The following CAMK1G variants were observed in gnomAD, a reference collection of about 807,000 sequenced individuals.
The protein encoded by CAMK1G is calcium/calmodulin dependent protein kinase IG, also known as calcium/calmodulin-dependent protein kinase type 1G.
In CAMK1G, 27 loss-of-function variants were observed where a neutral mutation model predicts 54.8. The observed-to-expected ratio is 0.49, with a 90% CI of 0.36 to 0.68. The LOEUF (loss-of-function observed/expected upper bound fraction) is 0.68. Ranked by LOEUF, CAMK1G falls within the 30% of genes least tolerant of loss-of-function variation. CAMK1G has a pLI of 0.00. For missense variants in CAMK1G, 512 were observed against 591.0 expected, an observed-to-expected ratio of 0.87 and a Z score of 1.39; for synonymous variants, 238 against 224.9, an observed-to-expected ratio of 1.06 and a Z score of -0.52.
At chr1:209,608,233 A>G (rs900928453) in intron 7 of CAMK1G, among the ~76,000 whole-genome samples, 1 of 152,182 alleles carries the variant, frequency 6.6e-6, no homozygotes, top group Non-Finnish European at 1.5e-5. Flanking sequence ...CTGCCTATAA[A>G]TGTGTTGCAT....
At chr1:209,595,925 C>T (rs372526642) in intron 2 of CAMK1G, among the ~76,000 whole-genome samples, 10 of 152,236 alleles carry the variant, frequency 6.6e-5, no homozygotes, top group African/African-American at 1.4e-4. Context: ...CAGACTCTGA[C>T]GCAGGCTGGC....
intron 2 of CAMK1G, among the ~76,000 whole-genome samples, chr1:209,595,554 T>TCA (rs10659358): frequency 0.66 from 99,781 of 151,782 alleles, 33,064 homozygotes; most frequent in African/African-American, 0.72. Context: ...CTTGCCTCTG[T>TCA]CAGGAGAGGG....
intron 9 of CAMK1G, 63 bp downstream of exon 9, chr1:209,609,992 C>A: frequency 7.8e-7 from 1 of 1,279,202 alleles, no homozygotes; most frequent in Non-Finnish European, 1.1e-6. Flanking sequence ...CATGCTGACT[C>A]ATTCATATTG....
intron 1 of CAMK1G, among the ~76,000 whole-genome samples, chr1:209,587,013 G>T (rs899814572): frequency 2.0e-5 from 3 of 151,968 alleles, no homozygotes; most frequent in Non-Finnish European, 2.9e-5. Flanking sequence ...CTTCTCTCTG[G>T]GTCATTTTGT....
chr1:209,594,435 G>A lies in CAMK1G; in HGVS notation c.-29-520G>A, dbSNP rs562640879. 1.6e-3 allele frequency among the ~76,000 whole-genome samples: 241 copies of A among 152,320 alleles called. 1 individual carries two copies. Among genetic ancestry groups the A allele is most frequent in the South Asian group, 7.9e-3 (38 of 4,834 alleles). On this transcript the variant is annotated intron_variant, in intron 1 of 12. Coordinates refer to ENST00000361322, the MANE Select transcript of CAMK1G (RefSeq NM_020439.3). ...GAAATGATTCAATTTAGATTTTCGT[G>A]AATAACTATTTGCCCAGCACTGTGC...
chr1:209,589,642 G>A (rs1206235991), intron 1 of CAMK1G, among the ~76,000 whole-genome samples: 1 of 152,160 alleles, frequency 6.6e-6, no homozygotes, highest in African/African-American at 2.4e-5. Context: ...TGAGTGCCAG[G>A]AACAGTAGTA....
rs17014825 is a variant in CAMK1G at position 209,584,418 on chromosome 1, T to A, written c.-30+646T>A. 0.019 allele frequency among the ~76,000 whole-genome samples: 2,889 copies of A among 152,280 alleles called. 145 individuals carry two copies. The East Asian group carries it at 0.22, about 12-fold the overall frequency. The stretch of plus-strand genomic sequence containing the variant: ...GTTAAGATGCAGAACGCAGCCGAGC[T>A]ATCGCTGTCAGTCACAAGACAGCTT... On this transcript the variant is annotated intron_variant, in intron 1 of 12. Coordinates refer to ENST00000361322, the MANE Select transcript of CAMK1G (RefSeq NM_020439.3).
At position 209,588,888 on chromosome 1, in the gene CAMK1G, G is replaced by A. The variant is rs141147330; in HGVS notation, c.-30+5116G>A. ...GCCTGCCACTGGGAGCATGGAAAGG[G>A]CTGCACTCAGAGGCAGCGTCCACCC... On this transcript the variant is annotated intron_variant, in intron 1 of 12. Coordinates refer to ENST00000361322, the MANE Select transcript of CAMK1G (RefSeq NM_020439.3). 3.3e-3 allele frequency among the ~76,000 whole-genome samples: 510 copies of A among 152,308 alleles called. 4 individuals carry two copies. Among genetic ancestry groups the A allele is most frequent in the African/African-American group, 0.011 (470 of 41,564 alleles).
chr1:209,600,133 C>T (rs1407616376), intron 3 of CAMK1G, 22 bp downstream of exon 3: 3 of 1,610,610 alleles, frequency 1.9e-6, no homozygotes, highest in Non-Finnish European at 1.7e-6. Context: ...TTAGTGTTGA[C>T]TGGATCACTA....
At chr1:209,597,615 G>T (rs994783884) in intron 2 of CAMK1G, among the ~76,000 whole-genome samples, 1 of 152,214 alleles carries the variant, frequency 6.6e-6, no homozygotes, top group Non-Finnish European at 1.5e-5. Flanking sequence ...TGGTTGAAGG[G>T]ATGAGTAAGT....
In CAMK1G at chr1:209,607,949, C is replaced by A. The variant is rs771140008; in HGVS notation, c.635+16C>A. ...CCTACATATTGTGAGTAGACGCTGG[C>A]CTGGGTTCAGCTGATGAGAAGTCTC... On this transcript the variant is annotated intron_variant, in intron 7 of 12. Coordinates refer to ENST00000361322, the MANE Select transcript of CAMK1G (RefSeq NM_020439.3). The A allele has an allele frequency of 2.5e-6, 4 of 1,597,996 alleles. No individual in the cohort carries two copies. The highest frequency in any genetic ancestry group is 3.4e-6 in the Non-Finnish European group (4 of 1,167,142).
In CAMK1G at chr1:209,606,407, A is replaced by G. The variant is rs767035299; in HGVS notation, c.523A>G (p.Ile175Val). 8.7e-6 allele frequency: 14 copies of G among 1,614,016 alleles called. No individual in the cohort carries two copies. The African/African-American group carries it at 1.3e-4, about 15-fold the overall frequency. Reference protein sequence around the residue: ...FGLSKMEQNGIMSTACGTPGY... With the variant: ...FGLSKMEQNGVMSTACGTPGY... ...TCTGTCCAAGATGGAACAGAATGGC[A>G]TCATGTCCACTGCCTGTGGGACCCC... The change falls in exon 6 of 13, where the codon ATC (isoleucine) becomes GTC (valine). Residue 175 changes from isoleucine (I) to valine (V), a missense_variant. This residue lies in a region of CAMK1G where 186 missense variants were observed against 231.5 expected (regional missense o/e 0.80). Coordinates refer to ENST00000361322, the MANE Select transcript of CAMK1G (RefSeq NM_020439.3).
At position 209,595,136 on chromosome 1, in the gene CAMK1G, G is replaced by A. The variant is rs1665348081; in HGVS notation, c.92+61G>A. On this transcript the variant is annotated intron_variant, in intron 2 of 12. Transcript: ENST00000361322. ...CTGCCTGCAGTGGGAGGTTAGAAGAGTTGTTCTCTGCTGGCAGCAATTGAT... is the reference window on the plus strand; with the variant it reads ...CTGCCTGCAGTGGGAGGTTAGAAGAATTGTTCTCTGCTGGCAGCAATTGAT... The A allele has an allele frequency of 8.5e-6, 10 of 1,170,406 alleles. No homozygotes were observed. The South Asian group carries it at 1.2e-4, about 15-fold the overall frequency. 72.5% of individuals were successfully genotyped at this position (1,170,406 alleles called of 1,614,324 possible). A position where few individuals can be genotyped will look rare whatever the true frequency, so the allele number is the denominator to read the frequency against.
intron 6 of CAMK1G, 35 bp from the exon 7 acceptor site, chr1:209,607,823 C>T (rs777291881): frequency 1.3e-6 from 2 of 1,591,656 alleles, no homozygotes; most frequent in South Asian, 1.1e-5. Context: ...TCTCCTCTTG[C>T]CACCAGCCCT....
In CAMK1G at chr1:209,600,076, C is replaced by A; in HGVS notation, c.186C>A (p.Asp62Glu). The stretch of plus-strand genomic sequence containing the variant: ...TCAAGAAGTCACCTGCCTTCCGGGA[C>A]AGCAGCCTGGAGAATGAGATTGCTG... ...KCIKKSPAFRDSSLENEIAVL... is the reference protein window; with the variant it reads ...KCIKKSPAFRESSLENEIAVL... Residue 62 changes from aspartate to glutamate, a missense_variant, in exon 3 of 13, where the codon GAC becomes GAA. Transcript: ENST00000361322. 6.2e-7 allele frequency: 1 copy of A among 1,614,008 alleles called. No homozygotes were observed. The highest frequency in any genetic ancestry group is 8.5e-7 in the Non-Finnish European group (1 of 1,179,890).
Position 209,611,839 on chromosome 1 carries a change from C to G in CAMK1G, c.963C>G (p.His321Gln). Reference protein sequence around the residue: ...AAVVHHMRKLHMNLHSPGVRP... With the variant: ...AAVVHHMRKLQMNLHSPGVRP... ...TGGTGCACCACATGAGGAAGCTACA[C>G]ATGAACCTGCACAGCCCGGGCGTCC... The change falls in exon 11 of 13, where the codon CAC (histidine) becomes CAG (glutamine). Residue 321 changes from histidine to glutamine, a missense_variant. His to Gln is a conservative substitution (Grantham distance 24, BLOSUM62 0). Around this residue, in one of 3 missense-constraint regions of CAMK1G, gnomAD observed 315 missense variants for 330.5 expected, o/e 0.95. Coordinates refer to ENST00000361322, the MANE Select transcript of CAMK1G (RefSeq NM_020439.3). The G allele has an allele frequency of 6.2e-7, 1 of 1,614,210 alleles. No homozygotes were observed. The highest frequency in any genetic ancestry group is 8.5e-7 in the Non-Finnish European group (1 of 1,180,056).
chr1:209,591,052 A>T (rs1476414227), intron 1 of CAMK1G, among the ~76,000 whole-genome samples: 1 of 151,744 alleles, frequency 6.6e-6, no homozygotes, highest in Non-Finnish European at 1.5e-5. Flanking sequence ...GGGACTCAGG[A>T]TCTACAGAAG....
chr1:209,600,486 C>T (rs770331753), intron 3 of CAMK1G, among the ~76,000 whole-genome samples: 2 of 152,208 alleles, frequency 1.3e-5, no homozygotes, highest in Non-Finnish European at 2.9e-5. Flanking sequence ...GGAGGTTCAG[C>T]ACCCCAACCA....
At chr1:209,605,277 G>A (rs980432488) in intron 4 of CAMK1G, among the ~76,000 whole-genome samples, 1 of 152,144 alleles carries the variant, frequency 6.6e-6, no homozygotes, top group Non-Finnish European at 1.5e-5. Flanking sequence ...CCAACCAGAA[G>A]CATTTACATT....
Sources: allele counts gnomAD v4.1 joint callset (sites outside exome capture counted in the v4.1 genomes callset), GRCh38; gene constraint gnomAD v4.1.1; regional missense constraint gnomAD v4.1.1; transcripts MANE v1.5; gene names NCBI Gene and HGNC (gene_info 2026-07-23, HGNC 2026-07-21).